The following SPATA17 variants were observed in gnomAD, a reference collection of about 807,000 sequenced individuals.
SPATA17 encodes spermatogenesis associated 17.
A neutral mutation model predicts 62.2 loss-of-function variants in SPATA17; 53 were observed. The ratio of observed to expected loss-of-function variants is 0.85; its 90% CI spans 0.68 to 1.07. SPATA17 has a LOEUF of 1.07. Among genes scored for constraint, SPATA17 ranks in the 50% least tolerant of loss-of-function variants. SPATA17 has a pLI of 0.00. For missense variants in SPATA17, 466 were observed against 425.5 expected (o/e 1.10, Z -0.84); for synonymous variants, 146 against 146.8 (o/e 0.99, Z 0.04).
rs1308130596 is a variant in SPATA17, at chr1:217,793,882, G to A, written c.873-7836G>A. ...TGTAATCTCAGCACTTTGGAAGGCCGCGGTTGGCAGATCACGAGGTCAGGA... is the reference window on the plus strand; with the variant it reads ...TGTAATCTCAGCACTTTGGAAGGCCACGGTTGGCAGATCACGAGGTCAGGA... On this transcript the variant is annotated intron_variant, in intron 8 of 10. Transcript: ENST00000366933. 3.3e-5 allele frequency among the ~76,000 whole-genome samples: 5 copies of A among 151,958 alleles called. No homozygotes were observed. In the East Asian group the frequency reaches 7.9e-4, roughly 24 times the overall value.
chr1:217,677,314 G>T (rs893360183), intron 4 of SPATA17, among the ~76,000 whole-genome samples: 3 of 151,934 alleles, frequency 2.0e-5, no homozygotes, highest in Admixed American at 6.6e-5. Flanking sequence ...AAGATTATAT[G>T]GTGGCTTTAC....
chr1:217,784,340 A>G (rs969198094), intron 8 of SPATA17, among the ~76,000 whole-genome samples: 1 of 152,180 alleles, frequency 6.6e-6, no homozygotes, highest in Non-Finnish European at 1.5e-5. Context: ...AGACCTAGAA[A>G]GGTACAGCTT....
intron 7 of SPATA17, among the ~76,000 whole-genome samples, chr1:217,779,517 T>C (rs569092414): frequency 2.0e-5 from 3 of 152,014 alleles, no homozygotes; most frequent in South Asian, 4.2e-4. Flanking sequence ...TTCATTCTCT[T>C]GTTTCCTTCC....
In SPATA17 at chr1:217,648,943, C is replaced by T. The variant is rs765143670; in HGVS notation, c.130C>T (p.Arg44Ter). 16 of 1,609,914 alleles carry T rather than the reference C, an allele frequency of 9.9e-6. No individual in the cohort carries two copies. The highest frequency in any genetic ancestry group is 2.2e-5 in the East Asian group (1 of 44,628). ...DAAVKIQSWFRGCQVRAYIRH... is the reference protein window; with the variant it reads ...DAAVKIQSWF ...AGCAGTTAAAATCCAAAGCTGGTTT[C>T]GAGGATGTCAAGTTCGGGCATATAT... Residue 44 changes from arginine to a stop codon, truncating the protein, a stop_gained, in exon 2 of 11, where the codon CGA becomes TGA. Transcript: ENST00000366933. LOFTEE classifies it high-confidence loss of function.
intron 2 of SPATA17, among the ~76,000 whole-genome samples, chr1:217,650,693 G>T (rs977612872): frequency 6.6e-6 from 1 of 152,136 alleles, no homozygotes; most frequent in African/African-American, 2.4e-5. Flanking sequence ...CAAAGTGCTG[G>T]GATTACGGGC....
chr1:217,759,296 T>C (rs939913256), intron 6 of SPATA17, among the ~76,000 whole-genome samples: 1 of 151,984 alleles, frequency 6.6e-6, no homozygotes, highest in Admixed American at 6.6e-5. Flanking sequence ...CCGTCTCTAC[T>C]AAAAATACTA....
At chr1:217,744,714 G>A (rs1672707842) in intron 6 of SPATA17, among the ~76,000 whole-genome samples, 1 of 152,036 alleles carries the variant, frequency 6.6e-6, no homozygotes, top group South Asian at 2.1e-4. Flanking sequence ...TTATTTTTGA[G>A]GCACTATGGC....
chr1:217,852,941 C>T (rs1056218134), intron 9 of SPATA17, among the ~76,000 whole-genome samples: 9 of 152,134 alleles, frequency 5.9e-5, no homozygotes, highest in African/African-American at 2.2e-4. Context: ...ATGTTCACAG[C>T]ACTTATTATC....
intron 10 of SPATA17, among the ~76,000 whole-genome samples, chr1:217,863,470 A>G (rs1317907195): frequency 6.6e-6 from 1 of 152,100 alleles, no homozygotes; most frequent in Non-Finnish European, 1.5e-5. Flanking sequence ...AGTTTTACAC[A>G]ATACGGTGAA....
intron 9 of SPATA17, among the ~76,000 whole-genome samples, chr1:217,849,304 G>A (rs1292683818): frequency 1.3e-5 from 2 of 152,054 alleles, no homozygotes; most frequent in South Asian, 2.1e-4. Flanking sequence ...CTGTGGATGG[G>A]CCACTACCTA....
At chr1:217,851,551 CA>C (rs1675665787) in intron 9 of SPATA17, among the ~76,000 whole-genome samples, 1 of 152,052 alleles carries the variant, frequency 6.6e-6, no homozygotes, top group African/African-American at 2.4e-5. Context: ...AAAAATTAAG[CA>C]TAATTAAAGT....
chr1:217,811,045 A>AT (rs1312449075), intron 9 of SPATA17, among the ~76,000 whole-genome samples: 1 of 151,920 alleles, frequency 6.6e-6, no homozygotes, highest in East Asian at 1.9e-4. Flanking sequence ...TTATTTATTT[A>AT]TTTTTTGAGA....
intron 9 of SPATA17, among the ~76,000 whole-genome samples, chr1:217,815,773 C>A (rs1263388492): frequency 6.6e-6 from 1 of 152,180 alleles, no homozygotes; most frequent in Non-Finnish European, 1.5e-5. Context: ...AAGACTGCAA[C>A]ATCAATTCCT....
chr1:217,778,980 A>G (rs1311159418), intron 7 of SPATA17, among the ~76,000 whole-genome samples: 3 of 152,110 alleles, frequency 2.0e-5, no homozygotes, highest in African/African-American at 7.2e-5. Context: ...TTTAGTATGT[A>G]TGGAATGCAT....
chr1:217,831,772 T>C (rs182145927), intron 9 of SPATA17, among the ~76,000 whole-genome samples: 110 of 152,276 alleles, frequency 7.2e-4, no homozygotes, highest in African/African-American at 2.5e-3. Context: ...CCTAAAGCTA[T>C]AGATCAGGAT....
rs571214536 is a variant in SPATA17, at chr1:217,752,774, A to T, written c.519+10676A>T. ...GCATTTTAAACCTCGCTTCTCCCCC[A>T]CTTCTCACAGACTTCCATGATGAGG... On this transcript the variant is annotated intron_variant, in intron 6 of 10. Transcript: ENST00000366933. Among the ~76,000 whole-genome samples the T allele has an allele frequency of 3.9e-5, 6 of 152,148 alleles. 1 individual carries two copies. In the South Asian group the frequency reaches 1.2e-3, roughly 32 times the overall value.
chr1:217,818,773 TTTTG>T (rs1019397593), intron 9 of SPATA17, among the ~76,000 whole-genome samples: 1 of 151,810 alleles, frequency 6.6e-6, no homozygotes, highest in Non-Finnish European at 1.5e-5. Flanking sequence ...TTTTTTACTG[TTTTG>T]TTTATCATCT....
intron 1 of SPATA17, among the ~76,000 whole-genome samples, chr1:217,637,187 ATTATT>A (rs1669961581): frequency 6.6e-6 from 1 of 152,180 alleles, no homozygotes; most frequent in Non-Finnish European, 1.5e-5. Context: ...TTTCACAAAC[ATTATT>A]TTATTTGATG....
chr1:217,792,822 A>T (rs1410282835), intron 8 of SPATA17, among the ~76,000 whole-genome samples: 1 of 152,094 alleles, frequency 6.6e-6, no homozygotes, highest in Non-Finnish European at 1.5e-5. Flanking sequence ...ATCTCCTCAG[A>T]TTGAGGAGAG....
Sources: gnomAD v4.1 joint callset for allele counts (sites outside exome capture counted in the v4.1 genomes callset) on GRCh38, gnomAD v4.1.1 for gene constraint, MANE v1.5 for transcripts, NCBI Gene and HGNC (gene_info 2026-07-23, HGNC 2026-07-21) for gene names.